NR2E1: variants seen among roughly 807,000 people sequenced by gnomAD.
NR2E1 encodes nuclear receptor TLX.
A neutral mutation model predicts 43.6 loss-of-function variants in NR2E1; 5 were observed. That is an observed-to-expected ratio of 0.11 (90% CI 0.06 to 0.24). The LOEUF is 0.24. Ranked by LOEUF, NR2E1 falls within the 10% of genes least tolerant of loss-of-function variation. The pLI is 1.00. For missense variants in NR2E1, 287 were observed against 496.7 expected (o/e 0.58, Z 4.01); for synonymous variants, 191 against 195.5 (o/e 0.98, Z 0.19).
chr6:108,186,552 A>G (rs1774078457), intron 8 of NR2E1, among the ~76,000 whole-genome samples: 2 of 152,180 alleles, frequency 1.3e-5, no homozygotes, highest in Admixed American at 1.3e-4. Context: ...CTCCTTATGT[A>G]TATTGATATC....
chr6:108,176,130 G>A (rs1316430976), intron 3 of NR2E1: 1 of 242,316 alleles, frequency 4.1e-6, no homozygotes, highest in East Asian at 8.7e-5. Context: ...CCTCTCTTTT[G>A]GATGGGGGCG....
intron 4 of NR2E1, 50 bp from the exon 5 acceptor site, chr6:108,178,045 A>C: frequency 6.2e-7 from 1 of 1,604,986 alleles, no homozygotes; most frequent in Non-Finnish European, 8.5e-7. Context: ...TTCTTCTTGC[A>C]AAGCTGTGGT....
Position 108,178,098 on chromosome 6 carries a change from C to G in NR2E1, c.499C>G (p.Pro167Ala). The G allele has an allele frequency of 6.2e-7, 1 of 1,614,164 alleles. No homozygotes were observed. Among genetic ancestry groups the G allele is most frequent in the South Asian group, 1.1e-5 (1 of 91,086 alleles). Residue 167 changes from proline to alanine, a missense_variant, in exon 5 of 9, where the codon CCC (proline) becomes GCC (alanine). Pro to Ala is a conservative substitution (Grantham distance 27, BLOSUM62 -1). Coordinates refer to ENST00000368986, the MANE Select transcript of NR2E1 (RefSeq NM_003269.5). ...VSLAQPTPKY[P>A]HEVNGTPMYL... ...TCTTTCTTTCTTCCCTACCCAGTAC[C>G]CCCATGAAGTGAATGGGACCCCAAT...
At position 108,174,859 on chromosome 6, in the gene NR2E1, G is replaced by A; in HGVS notation, c.195G>A (p.Thr65=). ...GNQGGCPVDK[T]HRNQCRACRL... Reference sequence around the variant, plus strand: ...AGGGAGGCTGTCCGGTGGACAAGACGCACAGAAACCAGTGCAGGGCGTGTC... The same window carrying A: ...AGGGAGGCTGTCCGGTGGACAAGACACACAGAAACCAGTGCAGGGCGTGTC... Residue 65 remains threonine, a synonymous_variant, in exon 3 of 9, where the codon ACG becomes ACA. Coordinates refer to ENST00000368986, the MANE Select transcript of NR2E1 (RefSeq NM_003269.5). 1.2e-6 allele frequency: 2 copies of A among 1,614,094 alleles called. No individual in the cohort carries two copies. Among genetic ancestry groups the A allele is most frequent in the Non-Finnish European group, 1.7e-6 (2 of 1,180,002 alleles).
In NR2E1 at chr6:108,166,682, G is replaced by T; in HGVS notation, c.-84G>T. 1 of 1,211,556 alleles carries T rather than the reference G, an allele frequency of 8.3e-7. No homozygotes were observed. Among genetic ancestry groups the T allele is most frequent in the Non-Finnish European group, 1.1e-6 (1 of 900,288 alleles). 75.1% of individuals were successfully genotyped at this position (1,211,556 alleles called of 1,614,324 possible). ...TTGCAGGCTGGAGGGCAGCTGGAGA[G>T]CGGCGGCGCCCGGCGGCGAGGCGGG... On this transcript the variant is annotated 5_prime_UTR_variant, in exon 1 of 9. Coordinates refer to ENST00000368986, the MANE Select transcript of NR2E1 (RefSeq NM_003269.5). This position sits in a 1 kb window ranked among gnomAD's most constrained non-coding sequence, Gnocchi z 7.2.
At chr6:108,172,323 A>G (rs1384903860) in intron 2 of NR2E1, among the ~76,000 whole-genome samples, 2 of 152,190 alleles carry the variant, frequency 1.3e-5, no homozygotes, top group Non-Finnish European at 2.9e-5. Flanking sequence ...AAGCTTCCAT[A>G]TCCCTGTCCT....
At chr6:108,167,047 A>G (rs980477360) in intron 1 of NR2E1, among the ~76,000 whole-genome samples, 8 of 151,862 alleles carry the variant, frequency 5.3e-5, no homozygotes, top group African/African-American at 1.9e-4. Flanking sequence ...CGCGCAGCCC[A>G]CCAGTCGGAT....
chr6:108,180,482 A>G lies in NR2E1; in HGVS notation c.739+63A>G, dbSNP rs1201862451. The G allele has an allele frequency of 2.7e-6, 3 of 1,101,066 alleles. No individual in the cohort carries two copies. Among genetic ancestry groups the G allele is most frequent in the Admixed American group, 1.7e-5 (1 of 59,326 alleles). The allele number at this position is 1,101,066 out of a possible 1,614,324, so 68.2% of individuals were successfully genotyped here. ...TTACCATAAAAATACATTACTGAAA[A>G]AAGAACAACATGTAAAGAATAACAA... On this transcript the variant is annotated intron_variant, in intron 6 of 8. Coordinates refer to ENST00000368986, the MANE Select transcript of NR2E1 (RefSeq NM_003269.5). This position sits in a 1 kb window ranked among gnomAD's most constrained non-coding sequence, Gnocchi z 5.4.
At position 108,169,287 on chromosome 6, in the gene NR2E1, G is replaced by T. The variant is rs1304354215; in HGVS notation, c.26-2171G>T. 6.6e-6 allele frequency among the ~76,000 whole-genome samples: 1 copy of T among 152,206 alleles called. No homozygotes were observed. The highest frequency in any genetic ancestry group is 1.5e-5 in the Non-Finnish European group (1 of 68,026). On this transcript the variant is annotated intron_variant, in intron 1 of 8. Coordinates refer to ENST00000368986, the MANE Select transcript of NR2E1 (RefSeq NM_003269.5). This position sits in a 1 kb window ranked among gnomAD's most constrained non-coding sequence, Gnocchi z 6.1. ...TCTGCTCAGAGGCAGGACTCGCACT[G>T]GTGGTGGCCTAGAGGGCAACAGTCC...
rs1773908571 is a variant in NR2E1, at chr6:108,176,863, G to A, written c.495+125G>A. The A allele has an allele frequency of 3.4e-6, 3 of 894,038 alleles. No homozygotes were observed. In the East Asian group the frequency reaches 7.9e-5, roughly 24 times the overall value. The allele number at this position is 894,038 out of a possible 1,614,324, so 55.4% of individuals were successfully genotyped here. On this transcript the variant is annotated intron_variant, in intron 4 of 8. Transcript: ENST00000368986. Reference sequence around the variant, plus strand: ...GAGAGAACTCCAGGGTGCTTGGCGGGTCTCTGCATGGAGCTCCAGCCCTTC... The same window carrying A: ...GAGAGAACTCCAGGGTGCTTGGCGGATCTCTGCATGGAGCTCCAGCCCTTC...
intron 1 of NR2E1, among the ~76,000 whole-genome samples, chr6:108,170,143 C>T (rs1376996473): frequency 6.6e-6 from 1 of 152,094 alleles, no homozygotes; most frequent in African/African-American, 2.4e-5. Flanking sequence ...CGTTCCACTG[C>T]CGCCCCTTCC....
At chr6:108,168,160 G>A (rs751300137) in intron 1 of NR2E1, 13 of 1,580,276 alleles carry the variant, frequency 8.2e-6, no homozygotes, top group Middle Eastern at 1.7e-4. Context: ...GAATCTCCAG[G>A]AGGTAAAGCG....
chr6:108,171,689 A>G lies in NR2E1; in HGVS notation c.171+86A>G, dbSNP rs1443228385. On this transcript the variant is annotated intron_variant, in intron 2 of 8. Coordinates refer to ENST00000368986, the MANE Select transcript of NR2E1 (RefSeq NM_003269.5). ...GTGCCAAGGCCTCCTCTGAGTTTCCACGCAGTTGAGGAGAGACCCGGCCCT... is the reference window on the plus strand; with the variant it reads ...GTGCCAAGGCCTCCTCTGAGTTTCCGCGCAGTTGAGGAGAGACCCGGCCCT... The G allele has an allele frequency of 6.4e-6, 10 of 1,570,294 alleles. No homozygotes were observed. The East Asian group carries it at 1.1e-4, about 18-fold the overall frequency.
At chr6:108,182,065 G>T (rs1773999433) in intron 8 of NR2E1, among the ~76,000 whole-genome samples, 3 of 151,876 alleles carry the variant, frequency 2.0e-5, no homozygotes, top group Admixed American at 2.0e-4. Flanking sequence ...GTGAAACCCC[G>T]TCTCTACTAA....
rs1199499627 is a variant in NR2E1 at position 108,187,746 on chromosome 6, G to A, written c.*283G>A. On this transcript the variant is annotated 3_prime_UTR_variant, in exon 9 of 9. Transcript: ENST00000368986. ...GGCAAACTGGGGGTTGCCACAGGCCGTGCCATTCTGCCTCTTACCTGGAAG... is the reference window on the plus strand; with the variant it reads ...GGCAAACTGGGGGTTGCCACAGGCCATGCCATTCTGCCTCTTACCTGGAAG... The A allele has an allele frequency of 1.8e-5, 8 of 434,094 alleles. No individual in the cohort carries two copies. The highest frequency in any genetic ancestry group is 1.1e-4 in the South Asian group (5 of 46,570). The allele number at this position is 434,094 out of a possible 1,614,324, so 26.9% of individuals were successfully genotyped here. A position where few individuals can be genotyped will look rare whatever the true frequency, so the allele number is the denominator to read the frequency against.
chr6:108,176,407 A>G, intron 3 of NR2E1, 96 bp from the exon 4 acceptor site: 1 of 1,292,360 alleles, frequency 7.7e-7, no homozygotes, highest in African/African-American at 1.5e-5. Flanking sequence ...TTGCCCGCCC[A>G]GACTTGACAT....
chr6:108,185,950 A>G (rs1365646278), intron 8 of NR2E1, among the ~76,000 whole-genome samples: 1 of 152,142 alleles, frequency 6.6e-6, no homozygotes, highest in African/African-American at 2.4e-5. Context: ...GATGCTGCAG[A>G]TGGCAGAGGT....
At chr6:108,167,992 G>A (rs773293147) in intron 1 of NR2E1, 4 of 1,561,612 alleles carry the variant, frequency 2.6e-6, no homozygotes, top group East Asian at 2.3e-5. Context: ...TAAAAAATTA[G>A]AGCAAAATGA....
Position 108,180,896 on chromosome 6 carries a change from C to A in NR2E1, c.829C>A (p.Gln277Lys). ...ACAAGAGGTGGTGGCTCGATTTAGA[C>A]AACTCCGGTTAGATGCTACTGAATT... ...ALQEVVARFR[Q>K]LRLDATEFAC... Residue 277 changes from glutamine (Q) to lysine (K), a missense_variant, in exon 7 of 9, where the codon CAA (glutamine) becomes AAA (lysine). Gln to Lys is a moderately conservative substitution (Grantham distance 53, BLOSUM62 1). This residue lies in a region of NR2E1 where 119 missense variants were observed against 187.0 expected (regional missense o/e 0.64). Coordinates refer to ENST00000368986, the MANE Select transcript of NR2E1 (RefSeq NM_003269.5). The surrounding 1 kb of genome is among the most constrained non-coding windows in gnomAD (Gnocchi z 5.4). The A allele has an allele frequency of 6.2e-7, 1 of 1,614,148 alleles. No homozygotes were observed. Among genetic ancestry groups the A allele is most frequent in the Non-Finnish European group, 8.5e-7 (1 of 1,179,994 alleles).
Sources: gnomAD v4.1 joint callset for allele counts (sites outside exome capture counted in the v4.1 genomes callset) on GRCh38, gnomAD v4.1.1 for gene constraint, gnomAD v4.1.1 regional missense constraint, Gnocchi (gnomAD v3.1) non-coding constraint, MANE v1.5 for transcripts, NCBI Gene and HGNC (gene_info 2026-07-23, HGNC 2026-07-21) for gene names.